Variants in PEX7 observed in about 807,000 individuals in gnomAD.
The protein encoded by PEX7 is peroxisomal biogenesis factor 7.
In PEX7, 34 loss-of-function variants were observed where a neutral mutation model predicts 47.5. That is an observed-to-expected ratio of 0.72 (90% CI 0.54 to 0.95). PEX7 has a LOEUF of 0.95. Among genes scored for constraint, PEX7 ranks in the 40% least tolerant of loss-of-function variants. The pLI is 0.00. For missense variants in PEX7, 394 were observed against 400.3 expected, an observed-to-expected ratio of 0.98 and a Z score of 0.13; for synonymous variants, 141 against 148.8, an observed-to-expected ratio of 0.95 and a Z score of 0.38.
intron 3 of PEX7, among the ~76,000 whole-genome samples, chr6:136,841,857 A>G (rs1774506819): frequency 6.6e-6 from 1 of 151,110 alleles, no homozygotes; most frequent in African/African-American, 2.4e-5. Context: ...AAGTGCTGGG[A>G]TTACAGGCAT....
chr6:136,900,160 T>G lies in PEX7; in HGVS notation c.903+1919T>G, dbSNP rs1053019884. Reference sequence around the variant, plus strand: ...TGTTTTCTAAATCCTCCACACATAGTAGGCCTACCTTATTAAAAGCAACTT... The same window carrying G: ...TGTTTTCTAAATCCTCCACACATAGGAGGCCTACCTTATTAAAAGCAACTT... On this transcript the variant is annotated intron_variant, in intron 9 of 9. Transcript: ENST00000318471. This position sits in a 1 kb window ranked among gnomAD's most constrained non-coding sequence, Gnocchi z 4.2. 6.4e-6 allele frequency: 1 copy of G among 156,184 alleles called. No homozygotes were observed. Among genetic ancestry groups the G allele is most frequent in the Non-Finnish European group, 1.4e-5 (1 of 71,146 alleles). The allele number at this position is 156,184 out of a possible 1,614,324, so 9.7% of individuals were successfully genotyped here.
intron 5 of PEX7, among the ~76,000 whole-genome samples, chr6:136,854,974 G>A (rs1774832353): frequency 6.6e-6 from 1 of 152,024 alleles, no homozygotes; most frequent in Non-Finnish European, 1.5e-5. Context: ...TGTAATCCCA[G>A]CTACTTGGGA....
In PEX7 at chr6:136,900,395, C is replaced by G. The variant is rs1775732913; in HGVS notation, c.903+2154C>G. 1 of 351,876 alleles carries G rather than the reference C, an allele frequency of 2.8e-6. No individual in the cohort carries two copies. Among genetic ancestry groups the G allele is most frequent in the Non-Finnish European group, 5.7e-6 (1 of 175,864 alleles). 21.8% of individuals were successfully genotyped at this position (351,876 alleles called of 1,614,324 possible). On this transcript the variant is annotated intron_variant, in intron 9 of 9. Coordinates refer to ENST00000318471, the MANE Select transcript of PEX7 (RefSeq NM_000288.4). The surrounding 1 kb of genome is among the most constrained non-coding windows in gnomAD (Gnocchi z 4.2). ...GTGTACATTTAATCCAGTTTAGTGG[C>G]AGGTTCTTTAGCCTTTGCCTTTTCC...
intron 9 of PEX7, among the ~76,000 whole-genome samples, chr6:136,908,645 C>G (rs1334787776): frequency 6.6e-6 from 1 of 152,054 alleles, no homozygotes; most frequent in African/African-American, 2.4e-5. Context: ...TGTCCACATG[C>G]ACACTCATAC....
chr6:136,862,679 T>A (rs1774989238), intron 5 of PEX7, among the ~76,000 whole-genome samples: 1 of 152,188 alleles, frequency 6.6e-6, no homozygotes, highest in Non-Finnish European at 1.5e-5. Context: ...CCCAGCCTCC[T>A]GAATTTTATA....
At chr6:136,826,042 T>C (rs1774182994) in intron 2 of PEX7, among the ~76,000 whole-genome samples, 1 of 152,142 alleles carries the variant, frequency 6.6e-6, no homozygotes, top group African/African-American at 2.4e-5. Flanking sequence ...TTATAAAATT[T>C]AAACATAAAA....
chr6:136,846,880 T>C (rs1445613126), intron 5 of PEX7, among the ~76,000 whole-genome samples: 6 of 152,220 alleles, frequency 3.9e-5, no homozygotes, highest in Non-Finnish European at 5.9e-5. Context: ...CTGGGTCAAA[T>C]GGTATTTCTA....
intron 8 of PEX7, among the ~76,000 whole-genome samples, chr6:136,874,905 T>C (rs1479318463): frequency 5.3e-5 from 8 of 152,034 alleles, no homozygotes; most frequent in Admixed American, 6.5e-5. Flanking sequence ...TTTGGGAGGC[T>C]GAGGCGGGTG....
At chr6:136,908,695 C>CA (rs1364472038) in intron 9 of PEX7, among the ~76,000 whole-genome samples, 1 of 152,002 alleles carries the variant, frequency 6.6e-6, no homozygotes, top group Non-Finnish European at 1.5e-5. Flanking sequence ...CCCCAGCCTT[C>CA]AAAAAACCCT....
intron 3 of PEX7, chr6:136,829,992 T>G (rs1254584366): frequency 8.5e-6 from 6 of 703,446 alleles, no homozygotes; most frequent in South Asian, 1.6e-5. Context: ...TTTCTGTTTT[T>G]TTTTTTTCCA....
intron 8 of PEX7, among the ~76,000 whole-genome samples, chr6:136,878,878 C>CTT (rs71547048): frequency 0.48 from 73,093 of 151,438 alleles, 17,689 homozygotes; most frequent in South Asian, 0.56. Context: ...TTTTCTTTGA[C>CTT]AAATTTTTTT....
rs896526461 is a variant in PEX7 at position 136,892,672 on chromosome 6, C to G, written c.804-5470C>G. On this transcript the variant is annotated intron_variant, in intron 8 of 9. Transcript: ENST00000318471. ...CATGCAAAAGATACAAAGAATAGGA[C>G]ACTGTCCCTGAATTCAAGGAGCTTA... Among the ~76,000 whole-genome samples, 36 of 152,176 alleles carry G rather than the reference C, an allele frequency of 2.4e-4. 1 individual carries two copies. Among genetic ancestry groups the G allele is most frequent in the African/African-American group, 8.7e-4 (36 of 41,430 alleles).
chr6:136,827,887 T>C (rs1774225445), intron 3 of PEX7, among the ~76,000 whole-genome samples: 1 of 152,146 alleles, frequency 6.6e-6, no homozygotes. Context: ...AGATGGAGTT[T>C]CGCTATGTTG....
At chr6:136,868,336 T>C (rs1775111690) in intron 6 of PEX7, among the ~76,000 whole-genome samples, 1 of 152,186 alleles carries the variant, frequency 6.6e-6, no homozygotes, top group African/African-American at 2.4e-5. Context: ...ATAGGTAAAA[T>C]GTATGCTTTG....
chr6:136,845,250 C>G (rs1173273648), intron 3 of PEX7, among the ~76,000 whole-genome samples: 1 of 152,168 alleles, frequency 6.6e-6, no homozygotes, highest in Non-Finnish European at 1.5e-5. Context: ...TAAACATTGA[C>G]CCAGCAAGCT....
intron 8 of PEX7, among the ~76,000 whole-genome samples, chr6:136,884,038 T>C (rs1469783700): frequency 6.6e-6 from 1 of 152,196 alleles, no homozygotes; most frequent in Non-Finnish European, 1.5e-5. Flanking sequence ...CAATATAGGA[T>C]TATCGAAGAC....
At chr6:136,843,620 G>C (rs1320960267) in intron 3 of PEX7, among the ~76,000 whole-genome samples, 1 of 152,130 alleles carries the variant, frequency 6.6e-6, no homozygotes, top group African/African-American at 2.4e-5. Context: ...TTTACTATAT[G>C]GTCCTTTGTA....
At chr6:136,830,247 A>T in intron 3 of PEX7, 1 of 520,882 alleles carries the variant, frequency 1.9e-6, no homozygotes, top group Non-Finnish European at 3.4e-6. Context: ...GCATTGAATA[A>T]ATATGAGCTA....
At chr6:136,874,580 A>T (rs1222518421) in intron 8 of PEX7, among the ~76,000 whole-genome samples, 2 of 150,848 alleles carry the variant, frequency 1.3e-5, no homozygotes, top group African/African-American at 4.9e-5. Context: ...GCTGAGGTGG[A>T]ATTGCTTGAA....
Sources: gnomAD v4.1 joint callset for allele counts (sites outside exome capture counted in the v4.1 genomes callset) on GRCh38, gnomAD v4.1.1 for gene constraint, Gnocchi (gnomAD v3.1) non-coding constraint, MANE v1.5 for transcripts, NCBI Gene and HGNC (gene_info 2026-07-23, HGNC 2026-07-21) for gene names.